The following CCDC93 variants were observed in gnomAD, a reference collection of about 807,000 sequenced individuals.
The protein encoded by CCDC93 is coiled-coil domain-containing protein 93.
CCDC93 carries 61 observed loss-of-function variants against 108.2 expected under a neutral mutation model. That is an observed-to-expected ratio of 0.56 (90% CI 0.46 to 0.70). The LOEUF (loss-of-function observed/expected upper bound fraction) is 0.70. CCDC93 is among the 30% of genes least tolerant of loss of function. The pLI, the probability that CCDC93 is intolerant of heterozygous loss-of-function variation, is 0.00. For missense variants in CCDC93, 685 were observed against 764.2 expected, an observed-to-expected ratio of 0.90 and a Z score of 1.22; for synonymous variants, 276 against 260.4, an observed-to-expected ratio of 1.06 and a Z score of -0.58.
intron 7 of CCDC93, 74 bp from the exon 8 acceptor site, chr2:117,978,104 G>T (rs1680000732): frequency 1.5e-6 from 2 of 1,340,534 alleles, no homozygotes; most frequent in African/African-American, 1.4e-5. Flanking sequence ...CATTTTGGTT[G>T]ACTTTTTACA....
chr2:117,999,270 G>A (rs1422989309), intron 4 of CCDC93: 1 of 152,190 alleles, frequency 6.6e-6, no homozygotes, highest in Non-Finnish European at 1.5e-5. Context: ...TTCAAGGGCT[G>A]TGTAGCTTCC....
intron 7 of CCDC93, among the ~76,000 whole-genome samples, chr2:117,983,361 A>G (rs1680207960): frequency 6.6e-6 from 1 of 152,108 alleles, no homozygotes; most frequent in Non-Finnish European, 1.5e-5. Context: ...CCCCCCACAC[A>G]ATAAATTATG....
chr2:117,983,677 T>TATATATATAG (rs1680219440), intron 7 of CCDC93, among the ~76,000 whole-genome samples: 2 of 105,948 alleles, frequency 1.9e-5, no homozygotes, highest in African/African-American at 7.5e-5. Context: ...TATATATATA[T>TATATATATAG]AGTCATATAA....
intron 11 of CCDC93, among the ~76,000 whole-genome samples, chr2:117,960,636 T>C (rs1280832290): frequency 6.6e-6 from 1 of 152,254 alleles, no homozygotes. Flanking sequence ...GAATTCTTCT[T>C]GCAGGAAAAC....
At chr2:118,000,596 A>G in intron 4 of CCDC93, 1 of 464,440 alleles carries the variant, frequency 2.2e-6, no homozygotes, top group South Asian at 3.6e-5. Context: ...TCAGATGAGA[A>G]CATTCAAAGA....
In CCDC93 at chr2:117,928,840, G is replaced by T. The variant is rs183108867; in HGVS notation, c.1842+2197C>A. ...GTTTATTGCAGCACTATTCCCAATA[G>T]CAAATACTTGGAACCAAGCCAAATG... is the stretch of plus-strand genomic sequence containing the variant. On this transcript the variant is annotated intron_variant, in intron 23 of 23. Coordinates refer to ENST00000376300, the MANE Select transcript of CCDC93 (RefSeq NM_019044.5). 3.5e-3 allele frequency among the ~76,000 whole-genome samples: 535 copies of T among 152,282 alleles called. 10 individuals are homozygous for T. The highest frequency in any genetic ancestry group is 8.5e-4 in the Non-Finnish European group (58 of 68,030).
chr2:118,006,781 G>A lies in CCDC93; in HGVS notation c.192C>T (p.Cys64=). 2.5e-6 allele frequency: 4 copies of A among 1,611,936 alleles called. No homozygotes were observed. The highest frequency in any genetic ancestry group is 3.4e-6 in the Non-Finnish European group (4 of 1,178,036). The change falls in exon 3 of 24, where the codon TGC becomes TGT. Residue 64 remains cysteine, a synonymous_variant. Transcript: ENST00000376300. The part of the protein sequence containing the change: ...VGGMTWCITT[C]NFDVDVDLLF... Reference sequence around the variant, plus strand: ...GCAAATCAACATCTACATCAAAGTTGCAAGTGGTGATACACCAAGTCATTC... The same window carrying A: ...GCAAATCAACATCTACATCAAAGTTACAAGTGGTGATACACCAAGTCATTC...
chr2:117,977,219 A>G (rs1679970929), intron 8 of CCDC93, among the ~76,000 whole-genome samples: 1 of 152,134 alleles, frequency 6.6e-6, no homozygotes, highest in Non-Finnish European at 1.5e-5. Context: ...CTGACACTTT[A>G]TTATTTAGAA....
chr2:117,952,460 AT>A, intron 12 of CCDC93, 25 bp from the exon 13 acceptor site: 1 of 1,533,394 alleles, frequency 6.5e-7, no homozygotes, highest in Non-Finnish European at 9.0e-7. Context: ...TAAAAGACAT[AT>A]GCTCTCATTT....
At position 117,982,760 on chromosome 2, in the gene CCDC93, G is replaced by T. The variant is rs896348482; in HGVS notation, c.620+3209C>A. Among the ~76,000 whole-genome samples, 7 of 151,994 alleles carry T rather than the reference G, an allele frequency of 4.6e-5. No homozygotes were observed. The East Asian group carries it at 1.4e-3, about 29-fold the overall frequency. On this transcript the variant is annotated intron_variant, in intron 7 of 23. Coordinates refer to ENST00000376300, the MANE Select transcript of CCDC93 (RefSeq NM_019044.5). ...GCTGTGATGCCATAGTGTAGTGGGG[G>T]GGGGGGTGCGTGAGGAAGTCAGGAA... is the stretch of plus-strand genomic sequence containing the variant.
chr2:117,947,002 G>T, intron 15 of CCDC93, 120 bp from the exon 16 acceptor site: 1 of 765,036 alleles, frequency 1.3e-6, no homozygotes, highest in Middle Eastern at 2.9e-4. Flanking sequence ...GGGACGAAAA[G>T]CTAATGAGGT....
At chr2:117,970,782 T>C (rs1301131611) in intron 11 of CCDC93, among the ~76,000 whole-genome samples, 1 of 152,216 alleles carries the variant, frequency 6.6e-6, no homozygotes. Flanking sequence ...TGCCATTTTA[T>C]AGTTGCTACA....
intron 12 of CCDC93, 22 bp from the exon 13 acceptor site, chr2:117,952,457 CAT>C: frequency 2.0e-6 from 3 of 1,532,032 alleles, no homozygotes; most frequent in East Asian, 2.2e-5. Context: ...AGATAAAAGA[CAT>C]ATGCTCTCAT....
chr2:117,938,435 G>C (rs939789437), intron 20 of CCDC93, among the ~76,000 whole-genome samples: 1 of 151,884 alleles, frequency 6.6e-6, no homozygotes, highest in African/African-American at 2.4e-5. Flanking sequence ...CCTAATGCTA[G>C]ATGACGAGTT....
intron 8 of CCDC93, among the ~76,000 whole-genome samples, chr2:117,975,554 TTGAC>T (rs1242820923): frequency 6.6e-6 from 1 of 152,202 alleles, no homozygotes; most frequent in Non-Finnish European, 1.5e-5. Context: ...CCCTTGCACT[TTGAC>T]TGGGGCTTCC....
At chr2:117,982,465 A>C (rs953519261) in intron 7 of CCDC93, among the ~76,000 whole-genome samples, 1 of 152,138 alleles carries the variant, frequency 6.6e-6, no homozygotes, top group Non-Finnish European at 1.5e-5. Context: ...TTAACAGATA[A>C]ACAGTCCTTA....
intron 10 of CCDC93, among the ~76,000 whole-genome samples, chr2:117,974,574 C>T (rs1454378219): frequency 6.6e-6 from 1 of 152,110 alleles, no homozygotes; most frequent in Non-Finnish European, 1.5e-5. Context: ...GCATAACTCA[C>T]GGGTCAGCTC....
chr2:117,981,597 G>A (rs1208906587), intron 7 of CCDC93, among the ~76,000 whole-genome samples: 1 of 152,194 alleles, frequency 6.6e-6, no homozygotes, highest in East Asian at 1.9e-4. Context: ...AATCAAGGAT[G>A]TACATTTAGA....
chr2:117,923,130 G>A (rs943418763), intron 23 of CCDC93, among the ~76,000 whole-genome samples: 5 of 152,190 alleles, frequency 3.3e-5, no homozygotes, highest in Non-Finnish European at 5.9e-5. Flanking sequence ...AGGATTTTCA[G>A]GGGGTGGAAC....
Sources: allele counts gnomAD v4.1 joint callset (sites outside exome capture counted in the v4.1 genomes callset), GRCh38; gene constraint gnomAD v4.1.1; transcripts MANE v1.5; gene names NCBI Gene and HGNC (gene_info 2026-07-23, HGNC 2026-07-21).